NTM: variants seen among roughly 807,000 people sequenced by gnomAD.
NTM encodes the protein neurotrimin.
In NTM, 13 loss-of-function variants were observed where a neutral mutation model predicts 42.1. The ratio of observed to expected loss-of-function variants is 0.31; its 90% CI spans 0.20 to 0.49. The LOEUF (loss-of-function observed/expected upper bound fraction) is 0.49. Among genes scored for constraint, NTM ranks in the 20% least tolerant of loss-of-function variants. The probability of loss-of-function intolerance (pLI) is 0.99; values close to 1 mark genes in which losing one functional copy is unlikely to be tolerated. For synonymous variants in NTM, 187 were observed against 179.2 expected (o/e 1.04, Z -0.35); for missense variants, 373 against 452.8 (o/e 0.82, Z 1.60).
chr11:131,872,167 A>C (rs1431846675), intron 1 of NTM, among the ~76,000 whole-genome samples: 1 of 152,210 alleles, frequency 6.6e-6, no homozygotes, highest in Non-Finnish European at 1.5e-5. Flanking sequence ...AAGCAGGGTC[A>C]CGCAGATCTG....
At chr11:132,257,720 A>G (rs564796522) in intron 4 of NTM, among the ~76,000 whole-genome samples, 12 of 152,350 alleles carry the variant, frequency 7.9e-5, no homozygotes, top group African/African-American at 2.9e-4. Flanking sequence ...GAGAAACCTC[A>G]AAAAGTTTAA....
intron 1 of NTM, among the ~76,000 whole-genome samples, chr11:131,569,531 A>ACTCAGGTTTTTCT (rs1395009584): frequency 7.4e-6 from 1 of 134,574 alleles, no homozygotes; most frequent in Non-Finnish European, 1.6e-5. Context: ...CTACTTTTAC[A>ACTCAGGTTTTTCT]CTCAGGTTTT....
chr11:131,806,456 C>T (rs946306312), intron 1 of NTM, among the ~76,000 whole-genome samples: 1 of 152,048 alleles, frequency 6.6e-6, no homozygotes, highest in Non-Finnish European at 1.5e-5. Flanking sequence ...TCCCTGAAGC[C>T]TAGTAGAGTG....
intron 1 of NTM, among the ~76,000 whole-genome samples, chr11:131,433,639 T>A (rs148610873): frequency 5.6e-4 from 85 of 152,334 alleles, no homozygotes; most frequent in African/African-American, 2.0e-3. Flanking sequence ...GAATGTCCTC[T>A]ATTCTCTAAC....
intron 1 of NTM, among the ~76,000 whole-genome samples, chr11:131,834,589 C>T (rs1384832459): frequency 7.4e-6 from 1 of 134,394 alleles, no homozygotes; most frequent in East Asian, 2.0e-4. Context: ...ATAAGCCAAG[C>T]ATCTTCGGAA....
intron 2 of NTM, among the ~76,000 whole-genome samples, chr11:132,104,909 T>C (rs2062100595): frequency 8.3e-6 from 1 of 120,766 alleles, no homozygotes; most frequent in African/African-American, 3.1e-5. Context: ...CACAGGGAGA[T>C]CCTCTCTCTC....
At chr11:132,115,450 A>G (rs553776678) in intron 2 of NTM, among the ~76,000 whole-genome samples, 5 of 152,360 alleles carry the variant, frequency 3.3e-5, no homozygotes, top group East Asian at 3.9e-4. Context: ...TTATTTGTCA[A>G]TTATTCCCCA....
intron 1 of NTM, among the ~76,000 whole-genome samples, chr11:131,411,959 C>T (rs191822927): frequency 7.8e-4 from 118 of 152,174 alleles, no homozygotes; most frequent in Non-Finnish European, 1.5e-3. Flanking sequence ...GATGAGAAAA[C>T]ATAGCTGGGC....
In NTM at chr11:131,480,478, G is replaced by C. The variant is rs191530399; in HGVS notation, c.82+109590G>C. Among the ~76,000 whole-genome samples the C allele has an allele frequency of 1.9e-3, 295 of 152,224 alleles. 1 individual carries two copies. The highest frequency in any genetic ancestry group is 7.0e-3 in the African/African-American group (290 of 41,534). On this transcript the variant is annotated intron_variant, in intron 1 of 8. Transcript: ENST00000683400. Reference sequence around the variant, plus strand: ...CTCCCTCTGAGCAAACTGAGTTTGGGTCTCCCATGACGAAACTCACGTGCA... The same window carrying C: ...CTCCCTCTGAGCAAACTGAGTTTGGCTCTCCCATGACGAAACTCACGTGCA...
intron 2 of NTM, among the ~76,000 whole-genome samples, chr11:132,104,608 AG>A (rs1478049429): frequency 1.3e-5 from 1 of 76,802 alleles, no homozygotes; most frequent in Non-Finnish European, 2.9e-5. Context: ...AATAACTAAT[AG>A]TAATAATCAT....
chr11:131,860,566 A>C (rs1391458463), intron 1 of NTM, among the ~76,000 whole-genome samples: 1 of 152,210 alleles, frequency 6.6e-6, no homozygotes, highest in Non-Finnish European at 1.5e-5. Context: ...CAGAAGGAAA[A>C]TACGTATTCA....
intron 2 of NTM, among the ~76,000 whole-genome samples, chr11:132,102,914 G>A (rs971963812): frequency 2.0e-5 from 3 of 152,178 alleles, no homozygotes. Context: ...CACATCAAAT[G>A]CCTCTTGTTG....
In NTM at chr11:132,232,370, G is replaced by C. The variant is rs547665467; in HGVS notation, c.526+20223G>C. ...AACTGATCTCCCGCATTCATGAAAG[G>C]AACTGGGACCCGGGCACACTGCTGG... is the stretch of plus-strand genomic sequence containing the variant. On this transcript the variant is annotated intron_variant, in intron 4 of 8. Transcript: ENST00000683400. 1.6e-4 allele frequency among the ~76,000 whole-genome samples: 25 copies of C among 152,260 alleles called. No individual in the cohort carries two copies. In the South Asian group the frequency reaches 5.2e-3, roughly 32 times the overall value.
chr11:132,146,329 G>C lies in NTM; in HGVS notation c.215G>C (p.Ser72Thr). The change falls in exon 3 of 9, where the codon AGC (serine) becomes ACC (threonine). Residue 72 changes from serine to threonine, a missense_variant. By Grantham distance (58) the Ser-to-Thr change is moderately conservative (BLOSUM62 1). Transcript: ENST00000683400. This position sits in a 1 kb window ranked among gnomAD's most constrained non-coding sequence, Gnocchi z 4.5. ...RVTRVAWLNR[S>T]TILYAGNDKW... is the part of the protein sequence containing the mutation. ...ACCCGGGTGGCCTGGCTAAACCGCA[G>C]CACCATCCTCTATGCTGGGAATGAC... 1 of 1,614,206 alleles carries C rather than the reference G, an allele frequency of 6.2e-7. No homozygotes were observed. The highest frequency in any genetic ancestry group is 8.5e-7 in the Non-Finnish European group (1 of 1,180,038).
intron 1 of NTM, among the ~76,000 whole-genome samples, chr11:131,488,649 C>T (rs902346014): frequency 5.3e-5 from 8 of 152,124 alleles, no homozygotes; most frequent in Admixed American, 3.9e-4. Context: ...TTGGCCAGTC[C>T]ACCACAGTCT....
intron 1 of NTM, among the ~76,000 whole-genome samples, chr11:131,650,003 C>A (rs10791160): frequency 0.56 from 84,783 of 151,908 alleles, 24,547 homozygotes; most frequent in East Asian, 0.78. Flanking sequence ...ATGAAGCACA[C>A]CACAGACAGT....
intron 1 of NTM, among the ~76,000 whole-genome samples, chr11:131,859,594 T>C (rs2046417755): frequency 6.6e-6 from 1 of 152,130 alleles, no homozygotes. Context: ...CTTGGTTCCA[T>C]TACTTTCCAG....
intron 2 of NTM, among the ~76,000 whole-genome samples, chr11:132,057,932 A>G (rs2079962585): frequency 6.6e-6 from 1 of 152,010 alleles, no homozygotes; most frequent in Non-Finnish European, 1.5e-5. Context: ...CTCATTTCCA[A>G]GATCTCTACT....
intron 3 of NTM, among the ~76,000 whole-genome samples, chr11:132,204,532 G>A (rs2081658972): frequency 6.6e-6 from 1 of 152,146 alleles, no homozygotes; most frequent in African/African-American, 2.4e-5. Flanking sequence ...AGCCTTCTGT[G>A]AGGAGCTGAA....
Sources: gnomAD v4.1 joint callset for allele counts (sites outside exome capture counted in the v4.1 genomes callset) on GRCh38, gnomAD v4.1.1 for gene constraint, Gnocchi (gnomAD v3.1) non-coding constraint, MANE v1.5 for transcripts, NCBI Gene and HGNC (gene_info 2026-07-23, HGNC 2026-07-21) for gene names.